The following SCFD2 variants were observed in gnomAD, a reference collection of about 807,000 sequenced individuals.
SCFD2 encodes the protein sec1 family domain containing 2, also known as sec1 family domain-containing protein 2.
SCFD2 carries 54 observed loss-of-function variants against 58.9 expected under a neutral mutation model. That is an observed-to-expected ratio of 0.92 (90% CI 0.74 to 1.15). The LOEUF (loss-of-function observed/expected upper bound fraction) is 1.15. Among genes scored for constraint, SCFD2 ranks in the 50% most tolerant of loss-of-function variants. SCFD2 has a pLI of 0.00. For synonymous variants in SCFD2, 321 were observed against 335.9 expected, an observed-to-expected ratio of 0.96 and a Z score of 0.49; for missense variants, 805 against 836.6, an observed-to-expected ratio of 0.96 and a Z score of 0.47.
intron 3 of SCFD2, among the ~76,000 whole-genome samples, chr4:53,311,914 G>A (rs1401027233): frequency 6.6e-6 from 1 of 152,016 alleles, no homozygotes; most frequent in Non-Finnish European, 1.5e-5. Flanking sequence ...GATTATAGTC[G>A]AGAGCCACTG....
intron 4 of SCFD2, among the ~76,000 whole-genome samples, chr4:53,180,976 G>C (rs1727531953): frequency 6.6e-6 from 1 of 152,092 alleles, no homozygotes; most frequent in Non-Finnish European, 1.5e-5. Flanking sequence ...TCTCTGAATA[G>C]ACCAATAACA....
At chr4:53,243,446 A>C (rs1400858477) in intron 4 of SCFD2, among the ~76,000 whole-genome samples, 1 of 152,190 alleles carries the variant, frequency 6.6e-6, no homozygotes, top group African/African-American at 2.4e-5. Flanking sequence ...ATTAATAATT[A>C]CCAGACCTGC....
At chr4:53,232,440 C>A (rs1362289384) in intron 4 of SCFD2, among the ~76,000 whole-genome samples, 1 of 151,920 alleles carries the variant, frequency 6.6e-6, no homozygotes, top group Non-Finnish European at 1.5e-5. Flanking sequence ...TTTACAAAAT[C>A]AGGAGACAAA....
At chr4:53,341,873 G>A (rs1733887850) in intron 2 of SCFD2, among the ~76,000 whole-genome samples, 1 of 152,118 alleles carries the variant, frequency 6.6e-6, no homozygotes, top group South Asian at 2.1e-4. Flanking sequence ...CAGAAGTGAA[G>A]GAGAAATAAA....
At chr4:53,228,258 A>C (rs1729291849) in intron 4 of SCFD2, among the ~76,000 whole-genome samples, 1 of 152,166 alleles carries the variant, frequency 6.6e-6, no homozygotes, top group South Asian at 2.1e-4. Context: ...CTTCAGGATG[A>C]TTTTACAAAG....
chr4:53,187,888 T>C (rs1185773886), intron 4 of SCFD2, among the ~76,000 whole-genome samples: 2 of 152,144 alleles, frequency 1.3e-5, no homozygotes, highest in Non-Finnish European at 2.9e-5. Context: ...ATAAAAATTA[T>C]CTTTCCAAAA....
rs1734262779 is a variant in SCFD2, at chr4:53,352,702, T to TA, written c.902_903insT (p.Gly302ArgfsTer5). On this transcript the variant is annotated frameshift_variant, in exon 2 of 9. Transcript: ENST00000401642. LOFTEE classifies it high-confidence loss of function. ...TAACCATCACATCATTTGTGTGGCCTGGGAGCTGGGGAAGTGCTGAAATGA... is the reference window on the plus strand; with the variant it reads ...TAACCATCACATCATTTGTGTGGCCTAGGGAGCTGGGGAAGTGCTGAAATGA... The TA allele has an allele frequency of 1.9e-6, 3 of 1,613,992 alleles. No individual in the cohort carries two copies. Among genetic ancestry groups the TA allele is most frequent in the Non-Finnish European group, 2.5e-6 (3 of 1,179,980 alleles).
intron 2 of SCFD2, among the ~76,000 whole-genome samples, chr4:53,332,419 C>T (rs1355724952): frequency 6.6e-6 from 1 of 151,532 alleles, no homozygotes; most frequent in African/African-American, 2.4e-5. Context: ...GGGCTTCATC[C>T]CTGGGATGCA....
At chr4:52,893,908 G>C (rs1401966556) in intron 7 of SCFD2, among the ~76,000 whole-genome samples, 1 of 152,108 alleles carries the variant, frequency 6.6e-6, no homozygotes, top group Non-Finnish European at 1.5e-5. Flanking sequence ...TGCTGTCCTT[G>C]GGCTCCCCAG....
chr4:52,952,429 G>A (rs1197494614), intron 5 of SCFD2, among the ~76,000 whole-genome samples: 1 of 152,074 alleles, frequency 6.6e-6, no homozygotes, highest in Non-Finnish European at 1.5e-5. Context: ...GGAATGAATA[G>A]CTTCAGACTT....
At chr4:53,268,063 G>T (rs534647226) in intron 4 of SCFD2, among the ~76,000 whole-genome samples, 12 of 152,082 alleles carry the variant, frequency 7.9e-5, no homozygotes, top group Non-Finnish European at 1.3e-4. Context: ...ATACGGTAGG[G>T]CAGGAGGAAT....
At chr4:53,166,032 T>C (rs1256514933) in intron 4 of SCFD2, among the ~76,000 whole-genome samples, 2 of 152,356 alleles carry the variant, frequency 1.3e-5, no homozygotes, top group Non-Finnish European at 2.9e-5. Context: ...ACAATATTCA[T>C]CCTTTAGTGT....
chr4:53,163,041 T>C (rs1002912341), intron 4 of SCFD2, among the ~76,000 whole-genome samples: 12 of 152,054 alleles, frequency 7.9e-5, no homozygotes, highest in African/African-American at 2.7e-4. Flanking sequence ...GAAATTCTAT[T>C]GGGTAACAAA....
chr4:53,269,320 T>C (rs1560421487), intron 4 of SCFD2, among the ~76,000 whole-genome samples: 2 of 152,074 alleles, frequency 1.3e-5, no homozygotes, highest in East Asian at 3.9e-4. Flanking sequence ...TGAGACCCTG[T>C]CTCAAAAAAA....
intron 5 of SCFD2, among the ~76,000 whole-genome samples, chr4:53,012,889 G>T (rs1475728801): frequency 3.3e-5 from 5 of 150,822 alleles, no homozygotes; most frequent in African/African-American, 1.2e-4. Context: ...ATGCTCAAAG[G>T]CACAGAGGAA....
At chr4:53,159,885 G>A (rs546024942) in intron 4 of SCFD2, among the ~76,000 whole-genome samples, 2 of 152,246 alleles carry the variant, frequency 1.3e-5, no homozygotes, top group South Asian at 4.1e-4. Flanking sequence ...GCAGTATTTT[G>A]TATGTATACC....
rs534639399 is a variant in SCFD2 at position 53,340,385 on chromosome 4, A to G, written c.1007+12213T>C. ...TTGCTAGCACAGCAGTCTGAGATCA[A>G]ACTACAAGGCGGCAGCGAGGCTGGG... On this transcript the variant is annotated intron_variant, in intron 2 of 8. Transcript: ENST00000401642. Among the ~76,000 whole-genome samples, 11 of 152,300 alleles carry G rather than the reference A, an allele frequency of 7.2e-5. No homozygotes were observed. In the South Asian group the frequency reaches 1.2e-3, roughly 17 times the overall value.
intron 3 of SCFD2, among the ~76,000 whole-genome samples, chr4:53,282,150 T>A (rs1344895232): frequency 1.3e-5 from 2 of 152,144 alleles, no homozygotes; most frequent in African/African-American, 4.8e-5. Flanking sequence ...GAGGTGCAGG[T>A]TTGTTATGAG....
chr4:53,123,216 T>C (rs79563849), intron 5 of SCFD2, among the ~76,000 whole-genome samples: 3,588 of 152,296 alleles, frequency 0.024, 76 homozygotes, highest in East Asian at 0.11. Context: ...CCTAGCCTGA[T>C]AGCTAGACAC....
Sources: gnomAD v4.1 joint callset for allele counts (sites outside exome capture counted in the v4.1 genomes callset) on GRCh38, gnomAD v4.1.1 for gene constraint, MANE v1.5 for transcripts, NCBI Gene and HGNC (gene_info 2026-07-23, HGNC 2026-07-21) for gene names.